DCDC1: variants seen among roughly 807,000 people sequenced by gnomAD.
DCDC1 encodes doublecortin domain containing 1, also known as doublecortin domain-containing protein 1.
In DCDC1, 200 loss-of-function variants were observed where a neutral mutation model predicts 178.3. That is an observed-to-expected ratio of 1.12 (90% CI 1.00 to 1.26). The LOEUF (loss-of-function observed/expected upper bound fraction) is 1.26, where lower values mean the gene tolerates loss of function less well. DCDC1 is among the 50% of genes most tolerant of loss of function. The probability of loss-of-function intolerance (pLI) is 0.00; values close to 1 mark genes in which losing one functional copy is unlikely to be tolerated. For synonymous variants in DCDC1, 690 were observed against 604.8 expected (o/e 1.14, Z -2.07); for missense variants, 1,983 against 1,749.2 (o/e 1.13, Z -2.38).
intron 38 of DCDC1, among the ~76,000 whole-genome samples, chr11:30,878,123 A>C (rs1942307806): frequency 6.6e-6 from 1 of 152,054 alleles, no homozygotes; most frequent in Non-Finnish European, 1.5e-5. Flanking sequence ...TGAGGCATCA[A>C]ATGTCACTTT....
chr11:30,881,684 C>T (rs530059737), intron 36 of DCDC1, among the ~76,000 whole-genome samples: 1 of 152,226 alleles, frequency 6.6e-6, no homozygotes, highest in Admixed American at 6.5e-5. Context: ...GGTGAGGAGA[C>T]CCAGGCTCTG....
At chr11:30,906,836 A>T (rs1035234105) in intron 29 of DCDC1, 111 bp from the exon 30 acceptor site, 7 of 967,712 alleles carry the variant, frequency 7.2e-6, no homozygotes, top group Non-Finnish European at 9.7e-6. Context: ...CAAAATGCTA[A>T]ATTTAAATTT....
At chr11:30,964,372 C>A (rs1044979289) in intron 20 of DCDC1, among the ~76,000 whole-genome samples, 2 of 152,128 alleles carry the variant, frequency 1.3e-5, no homozygotes, top group Non-Finnish European at 2.9e-5. Context: ...AATTTAATAT[C>A]CTTCCCCTCA....
Position 30,894,507 on chromosome 11 carries a change from T to C in DCDC1, c.4766-123A>G, listed in dbSNP as rs1173757045. On this transcript the variant is annotated intron_variant, in intron 34 of 38. Coordinates refer to ENST00000684477, the MANE Select transcript of DCDC1 (RefSeq NM_001387274.1). ...GGAGCATAAGCTAAAATACTAAATA[T>C]ATCATAAAAGCAAAGATGCCTAAGG... The C allele has an allele frequency of 4.4e-6, 6 of 1,348,612 alleles. No homozygotes were observed. The South Asian group carries it at 6.2e-5, about 14-fold the overall frequency. 83.5% of individuals were successfully genotyped at this position (1,348,612 alleles called of 1,614,324 possible). A position where few individuals can be genotyped will look rare whatever the true frequency, so the allele number is the denominator to read the frequency against.
chr11:30,882,614 C>T (rs925096722), intron 36 of DCDC1: 5 of 152,096 alleles, frequency 3.3e-5, no homozygotes, highest in East Asian at 1.9e-4. Flanking sequence ...ATCCTTCAAC[C>T]TACCATTGAG....
intron 20 of DCDC1, among the ~76,000 whole-genome samples, chr11:31,057,699 A>G (rs989593345): frequency 2.0e-5 from 3 of 151,990 alleles, no homozygotes; most frequent in Admixed American, 6.6e-5. Context: ...GGCCAAGTAC[A>G]ATCAGCTTGG....
At chr11:31,228,859 C>T (rs1187033612) in intron 9 of DCDC1, among the ~76,000 whole-genome samples, 2 of 151,778 alleles carry the variant, frequency 1.3e-5, no homozygotes, top group Non-Finnish European at 2.9e-5. Flanking sequence ...ACATAAATAG[C>T]TACATGTTGA....
chr11:31,248,987 A>C (rs886200625), intron 8 of DCDC1, among the ~76,000 whole-genome samples: 1 of 152,256 alleles, frequency 6.6e-6, no homozygotes, highest in Non-Finnish European at 1.5e-5. Context: ...TTCATAATAA[A>C]CTTCTGGGAT....
chr11:31,068,695 C>G (rs1167311536), intron 18 of DCDC1, among the ~76,000 whole-genome samples: 2 of 152,000 alleles, frequency 1.3e-5, no homozygotes, highest in Non-Finnish European at 2.9e-5. Context: ...TTTTTCAAAA[C>G]TAACATGTAT....
intron 9 of DCDC1, among the ~76,000 whole-genome samples, chr11:31,146,578 G>A (rs1421441600): frequency 6.6e-6 from 1 of 152,142 alleles, no homozygotes; most frequent in Admixed American, 6.5e-5. Context: ...GCTGCTGGTC[G>A]ATGGAAGGAT....
chr11:31,340,304 A>T (rs201500473), intron 1 of DCDC1, among the ~76,000 whole-genome samples: 1 of 152,184 alleles, frequency 6.6e-6, no homozygotes, highest in East Asian at 1.9e-4. Flanking sequence ...ACCTTGGAAG[A>T]AAATGACTGT....
At chr11:30,921,848 A>G (rs1284477100) in intron 24 of DCDC1, among the ~76,000 whole-genome samples, 1 of 152,060 alleles carries the variant, frequency 6.6e-6, no homozygotes, top group Non-Finnish European at 1.5e-5. Flanking sequence ...TGCAGCTAAG[A>G]CCCAGGAGTT....
chr11:31,070,746 A>AT (rs888021630), intron 18 of DCDC1, among the ~76,000 whole-genome samples: 12 of 152,164 alleles, frequency 7.9e-5, no homozygotes, highest in Admixed American at 2.0e-4. Flanking sequence ...CATTTATGAG[A>AT]TTTTTTCCCA....
Position 30,894,240 on chromosome 11 carries a change from G to T in DCDC1, c.4902+8C>A. The T allele has an allele frequency of 6.2e-7, 1 of 1,609,118 alleles. No homozygotes were observed. The highest frequency in any genetic ancestry group is 8.5e-7 in the Non-Finnish European group (1 of 1,178,586). On this transcript the variant is annotated splice_region_variant and intron_variant, in intron 35 of 38. Transcript: ENST00000684477. Reference sequence around the variant, plus strand: ...AGTCTTTAATGTCCAGAATCCCAAAGAACATACCTCTGTATGTCTTATAAG... The same window carrying T: ...AGTCTTTAATGTCCAGAATCCCAAATAACATACCTCTGTATGTCTTATAAG...
At chr11:31,181,019 C>G (rs528560496) in intron 9 of DCDC1, among the ~76,000 whole-genome samples, 48 of 152,116 alleles carry the variant, frequency 3.2e-4, no homozygotes, top group Non-Finnish European at 5.6e-4. Context: ...GATGCTCAAG[C>G]TTGGTGGGGT....
intron 20 of DCDC1, among the ~76,000 whole-genome samples, chr11:30,957,898 AT>A (rs1403097009): frequency 6.6e-6 from 1 of 152,184 alleles, no homozygotes; most frequent in Non-Finnish European, 1.5e-5. Context: ...ACTTACACCT[AT>A]GGCCTGAAGA....
At chr11:31,316,092 G>A (rs1270980209) in intron 3 of DCDC1, among the ~76,000 whole-genome samples, 1 of 96,142 alleles carries the variant, frequency 1.0e-5, no homozygotes, top group African/African-American at 5.9e-5. Flanking sequence ...CTTTGCTATT[G>A]TGAATAGTGC....
intron 20 of DCDC1, among the ~76,000 whole-genome samples, chr11:30,968,958 C>A (rs1011310521): frequency 9.9e-5 from 15 of 151,638 alleles, no homozygotes; most frequent in African/African-American, 3.6e-4. Flanking sequence ...ATATAATTTG[C>A]AAGATATCAC....
In DCDC1 at chr11:30,881,062, T is replaced by C; in HGVS notation, c.5233+96A>G. 4.3e-6 allele frequency: 6 copies of C among 1,379,486 alleles called. No individual in the cohort carries two copies. In the South Asian group the frequency reaches 8.7e-5, roughly 20 times the overall value. 85.5% of individuals were successfully genotyped at this position (1,379,486 alleles called of 1,614,324 possible). The stretch of plus-strand genomic sequence containing the variant: ...AGAAATGCTTGGGAGGGGATAATTA[T>C]TAAAAATCATTGTGATGGGATATAA... On this transcript the variant is annotated intron_variant, in intron 37 of 38. Transcript: ENST00000684477.
Sources: gnomAD v4.1 joint callset for allele counts (sites outside exome capture counted in the v4.1 genomes callset) on GRCh38, gnomAD v4.1.1 for gene constraint, MANE v1.5 for transcripts, NCBI Gene and HGNC (gene_info 2026-07-23, HGNC 2026-07-21) for gene names.